Variants in NNMT observed in about 807,000 individuals in gnomAD.
NNMT encodes nicotinamide N-methyltransferase.
Under a neutral mutation model 11.7 loss-of-function variants are expected in NNMT, and 10 were observed. The ratio of observed to expected loss-of-function variants is 0.85; its 90% CI spans 0.53 to 1.45. The LOEUF (loss-of-function observed/expected upper bound fraction) is 1.45, where lower values mean the gene tolerates loss of function less well. Ranked by LOEUF, NNMT falls within the 40% of genes most tolerant of loss-of-function variation. NNMT has a pLI of 0.00. For synonymous variants in NNMT, 143 were observed against 133.8 expected, an observed-to-expected ratio of 1.07 and a Z score of -0.48; for missense variants, 381 against 319.4, an observed-to-expected ratio of 1.19 and a Z score of -1.47.
intron 1 of NNMT, among the ~76,000 whole-genome samples, chr11:114,262,015 G>C (rs540626752): frequency 5.3e-5 from 8 of 152,186 alleles, no homozygotes; most frequent in African/African-American, 1.9e-4. Flanking sequence ...AGCCCAGAGT[G>C]CCCCTAGGGC....
At chr11:114,262,105 C>T (rs1682413819) in intron 1 of NNMT, among the ~76,000 whole-genome samples, 2 of 152,166 alleles carry the variant, frequency 1.3e-5, no homozygotes, top group Admixed American at 6.5e-5. Context: ...AGGTCCTGAA[C>T]CTTCCGAAAG....
chr11:114,269,778 T>C (rs1201777293), intron 2 of NNMT, among the ~76,000 whole-genome samples: 1 of 152,242 alleles, frequency 6.6e-6, no homozygotes, highest in Non-Finnish European at 1.5e-5. Context: ...CTCATTACTT[T>C]ATTCGTTTAC....
intron 2 of NNMT, among the ~76,000 whole-genome samples, chr11:114,289,392 A>T (rs1323816620): frequency 6.6e-6 from 1 of 151,870 alleles, no homozygotes; most frequent in African/African-American, 2.4e-5. Context: ...GCTCTGCAGG[A>T]TTCTCTTCTT....
At chr11:114,266,779 C>G (rs1285759666) in intron 2 of NNMT, among the ~76,000 whole-genome samples, 2 of 152,222 alleles carry the variant, frequency 1.3e-5, no homozygotes, top group Non-Finnish European at 2.9e-5. Context: ...CTCTCTCTGG[C>G]TTGCTTGCTC....
chr11:114,297,127 T>A (rs1296048565), intron 1 of NNMT, among the ~76,000 whole-genome samples: 1 of 152,212 alleles, frequency 6.6e-6, no homozygotes, highest in Non-Finnish European at 1.5e-5. Context: ...AAAGACATTA[T>A]ATACTCAATT....
intron 2 of NNMT, among the ~76,000 whole-genome samples, chr11:114,307,538 A>G (rs2135282134): frequency 6.6e-6 from 1 of 152,200 alleles, no homozygotes; most frequent in East Asian, 1.9e-4. Context: ...TCTGTTCTGC[A>G]GCCCAAGTGA....
intron 1 of NNMT, among the ~76,000 whole-genome samples, chr11:114,259,799 C>A (rs1182685873): frequency 6.6e-6 from 1 of 152,138 alleles, no homozygotes; most frequent in African/African-American, 2.4e-5. Context: ...AAGCTTAAGC[C>A]CTCCTTTATT....
chr11:114,276,047 C>T (rs982592690), intron 2 of NNMT, among the ~76,000 whole-genome samples: 21 of 152,274 alleles, frequency 1.4e-4, no homozygotes, highest in African/African-American at 5.1e-4. Flanking sequence ...AGAATGGCCT[C>T]TGAAACCTGC....
chr11:114,302,938 AAGAGTCCT>A (rs1945452026), intron 2 of NNMT, among the ~76,000 whole-genome samples: 1 of 152,158 alleles, frequency 6.6e-6, no homozygotes, highest in South Asian at 2.1e-4. Flanking sequence ...TGTGGCCCAG[AAGAGTCCT>A]CATCAGACCC....
At position 114,300,716 on chromosome 11, in the gene NNMT, A is replaced by C. The variant is rs539415463; in HGVS notation, c.362+2558A>C. 3.9e-5 allele frequency among the ~76,000 whole-genome samples: 6 copies of C among 152,306 alleles called. No individual in the cohort carries two copies. The South Asian group carries it at 1.2e-3, about 32-fold the overall frequency. ...ACACTTGTTTTTAGCTCTGTTATAT[A>C]CATTTTTAGGATTGTTATGTCTTCT... On this transcript the variant is annotated intron_variant, in intron 2 of 2. Coordinates refer to ENST00000299964, the MANE Select transcript of NNMT (RefSeq NM_006169.3).
At chr11:114,284,423 C>T (rs886953993) in intron 2 of NNMT, among the ~76,000 whole-genome samples, 5 of 152,334 alleles carry the variant, frequency 3.3e-5, no homozygotes, top group African/African-American at 1.2e-4. Context: ...TAGTCCTCAA[C>T]CACCTTCACC....
chr11:114,261,979 G>T (rs571967920), intron 1 of NNMT, among the ~76,000 whole-genome samples: 1 of 152,174 alleles, frequency 6.6e-6, no homozygotes, highest in South Asian at 2.1e-4. Context: ...AAAGAAGCAG[G>T]CAGGCCTCGA....
chr11:114,262,871 C>T (rs1312334763), exon 2 of NNMT: 2 of 152,324 alleles, frequency 1.3e-5, no homozygotes, highest in Middle Eastern at 3.4e-3. Context: ...ATAGAGTGAG[C>T]TTCTAGTGAC....
At position 114,277,084 on chromosome 11, in the gene NNMT, G is replaced by A. The variant is rs548235989; in HGVS notation, c.-130+14150G>A. On this transcript the variant is annotated intron_variant, in intron 2 of 4. Transcript: ENST00000535401. The stretch of plus-strand genomic sequence containing the variant: ...ACAAAATACACAAAAATTAGCTGGC[G>A]TTGGGGCTCATGCCTGTAATCCCAG... 8.5e-5 allele frequency among the ~76,000 whole-genome samples: 13 copies of A among 152,154 alleles called. 1 individual carries two copies. The highest frequency in any genetic ancestry group is 4.6e-4 in the Admixed American group (7 of 15,290).
chr11:114,277,035 T>C, intron 2 of NNMT, among the ~76,000 whole-genome samples: 1 of 151,684 alleles, frequency 6.6e-6, no homozygotes, highest in East Asian at 1.9e-4. Flanking sequence ...ACCAGCCTGG[T>C]CAACATGGTG....
rs566355834 is a variant in NNMT, at chr11:114,296,794, G to C, written c.154+84G>C. 2.0e-5 allele frequency: 27 copies of C among 1,382,092 alleles called. No homozygotes were observed. In the East Asian group the frequency reaches 6.0e-4, roughly 31 times the overall value. 85.6% of individuals were successfully genotyped at this position (1,382,092 alleles called of 1,614,324 possible). A position where few individuals can be genotyped will look rare whatever the true frequency, so the allele number is the denominator to read the frequency against. On this transcript the variant is annotated intron_variant, in intron 1 of 2. Transcript: ENST00000299964. ...GGCACGACTGGGTTTTGTGTCTCTC[G>C]TTGTTGCTTCACAGCCCTTTTGGCA...
intron 2 of NNMT, among the ~76,000 whole-genome samples, chr11:114,286,160 T>C (rs1287638399): frequency 6.6e-6 from 1 of 152,220 alleles, no homozygotes; most frequent in African/African-American, 2.4e-5. Context: ...CACTAGGTCC[T>C]GCCTCAGAGA....
chr11:114,271,615 C>T (rs774626991), intron 2 of NNMT, among the ~76,000 whole-genome samples: 3 of 152,170 alleles, frequency 2.0e-5, no homozygotes, highest in Non-Finnish European at 2.9e-5. Context: ...TGCAACTCCT[C>T]GTTTCTCATC....
chr11:114,273,396 A>G (rs1218516345), intron 2 of NNMT, among the ~76,000 whole-genome samples: 1 of 152,140 alleles, frequency 6.6e-6, no homozygotes. Context: ...AGTCCAAATG[A>G]TATTGATATT....
Sources: allele counts gnomAD v4.1 joint callset (sites outside exome capture counted in the v4.1 genomes callset), GRCh38; gene constraint gnomAD v4.1.1; transcripts MANE v1.5; gene names NCBI Gene and HGNC (gene_info 2026-07-23, HGNC 2026-07-21).